Variants in EED observed in about 807,000 individuals in gnomAD.
The protein encoded by EED is polycomb protein EED.
A neutral mutation model predicts 61.0 loss-of-function variants in EED; 9 were observed. That is an observed-to-expected ratio of 0.15 (90% CI 0.09 to 0.26). The LOEUF (loss-of-function observed/expected upper bound fraction) is 0.26, where lower values mean the gene tolerates loss of function less well. Among genes scored for constraint, EED ranks in the 10% least tolerant of loss-of-function variants. The pLI is 1.00. For synonymous variants in EED, 187 were observed against 174.4 expected, an observed-to-expected ratio of 1.07 and a Z score of -0.57; for missense variants, 315 against 542.3, an observed-to-expected ratio of 0.58 and a Z score of 4.16.
chr11:86,256,046 G>A (rs1352464786), intron 4 of EED, among the ~76,000 whole-genome samples: 4 of 152,186 alleles, frequency 2.6e-5, no homozygotes, highest in South Asian at 2.1e-4. Flanking sequence ...AAACTACAGC[G>A]TGCAGGTTGG....
At chr11:86,247,644 G>C (rs1945425133) in intron 1 of EED, among the ~76,000 whole-genome samples, 1 of 152,142 alleles carries the variant, frequency 6.6e-6, no homozygotes, top group African/African-American at 2.4e-5. Flanking sequence ...CCCCATTTGA[G>C]TTCACAAGCC....
the EED span, chr11:86,284,610 G>C: frequency 6.6e-6 from 1 of 152,280 alleles, no homozygotes; most frequent in Non-Finnish European, 1.5e-5. Context: ...ACATATGCCA[G>C]AGCTTGGGTA....
downstream of EED, among the ~76,000 whole-genome samples, chr11:86,279,942 T>C (rs1946304232): frequency 6.6e-6 from 1 of 152,224 alleles, no homozygotes; most frequent in South Asian, 2.1e-4. Flanking sequence ...TACTGTCATA[T>C]CCTTTTAGCA....
chr11:86,264,606 A>G (rs190937736), intron 7 of EED: 49 of 177,740 alleles, frequency 2.8e-4, no homozygotes, highest in Admixed American at 2.6e-3. Context: ...TGTAGCCATT[A>G]AAGTGCTTTT....
At chr11:86,286,343 G>T in the EED span, among the ~76,000 whole-genome samples, 1 of 152,016 alleles carries the variant, frequency 6.6e-6, no homozygotes, top group Non-Finnish European at 1.5e-5. Context: ...GCCTGGCTGA[G>T]ATGACAAATA....
chr11:86,251,036 T>C (rs1329385256), intron 2 of EED, among the ~76,000 whole-genome samples: 1 of 152,174 alleles, frequency 6.6e-6, no homozygotes, highest in African/African-American at 2.4e-5. Context: ...GTTTAAGATA[T>C]TTTCTTTTAT....
At chr11:86,263,354 G>C (rs564662846) in intron 6 of EED, among the ~76,000 whole-genome samples, 3 of 152,210 alleles carry the variant, frequency 2.0e-5, no homozygotes, top group South Asian at 4.1e-4. Context: ...TGCTCCTCCA[G>C]ATTCTTCCAG....
At chr11:86,286,321 G>A in the EED span, among the ~76,000 whole-genome samples, 1 of 152,074 alleles carries the variant, frequency 6.6e-6, no homozygotes, top group African/African-American at 2.4e-5. Flanking sequence ...GATTACAGGC[G>A]TGAGCCACTG....
At chr11:86,283,944 T>C in the EED span, 1 of 152,122 alleles carries the variant, frequency 6.6e-6, no homozygotes, top group Admixed American at 6.5e-5. Flanking sequence ...CATGTGGGCA[T>C]GTATGATAGA....
chr11:86,271,889 T>C (rs558321273), intron 9 of EED, among the ~76,000 whole-genome samples: 1 of 150,940 alleles, frequency 6.6e-6, no homozygotes, highest in South Asian at 2.1e-4. Context: ...TTTGCTAATA[T>C]TTTGTTAAGG....
chr11:86,249,840 C>G (rs1230093573), intron 1 of EED, among the ~76,000 whole-genome samples: 3 of 152,334 alleles, frequency 2.0e-5, no homozygotes, highest in Admixed American at 6.5e-5. Context: ...GGCTCCCCAG[C>G]TCCATGCTCC....
intron 3 of EED, among the ~76,000 whole-genome samples, chr11:86,254,039 ACT>A (rs1212897950): frequency 1.7e-5 from 2 of 118,362 alleles, no homozygotes; most frequent in Admixed American, 9.7e-5. Context: ...CAAGAGTGAA[ACT>A]CTGTCTCAAA....
At chr11:86,250,685 G>A (rs1346233265) in intron 2 of EED, among the ~76,000 whole-genome samples, 1 of 151,760 alleles carries the variant, frequency 6.6e-6, no homozygotes, top group African/African-American at 2.4e-5. Context: ...CAGTGTTGCA[G>A]GATGTTTTTG....
the EED span, among the ~76,000 whole-genome samples, chr11:86,285,992 A>G: frequency 8.5e-5 from 13 of 152,062 alleles, no homozygotes; most frequent in African/African-American, 3.1e-4. Context: ...ACACACAAGT[A>G]TTTTGTTCTT....
At chr11:86,253,367 C>A (rs941987474) in intron 3 of EED, among the ~76,000 whole-genome samples, 1 of 152,128 alleles carries the variant, frequency 6.6e-6, no homozygotes, top group South Asian at 2.1e-4. Flanking sequence ...ACTTTTAAGA[C>A]ACCACTGTAA....
chr11:86,249,039 C>G (rs1483205918), intron 1 of EED, among the ~76,000 whole-genome samples: 1 of 152,058 alleles, frequency 6.6e-6, no homozygotes, highest in African/African-American at 2.4e-5. Flanking sequence ...TAGTGGAGGG[C>G]TATAGTCTGG....
At chr11:86,253,124 A>G in intron 3 of EED, among the ~76,000 whole-genome samples, 1 of 152,202 alleles carries the variant, frequency 6.6e-6, no homozygotes, top group East Asian at 1.9e-4. Context: ...TTGAAACTCT[A>G]AATATTTTTA....
intron 9 of EED, among the ~76,000 whole-genome samples, chr11:86,273,128 ATCC>A (rs1808873970): frequency 6.6e-6 from 1 of 152,178 alleles, no homozygotes; most frequent in Non-Finnish European, 1.5e-5. Flanking sequence ...GCCTCAAGCA[ATCC>A]TCCTGATTCA....
intron 10 of EED, chr11:86,277,468 C>G: frequency 5.2e-6 from 1 of 191,914 alleles, no homozygotes. Context: ...GTCAGTCTAC[C>G]TATGTAACTG....
Sources: gnomAD v4.1 joint callset for allele counts (sites outside exome capture counted in the v4.1 genomes callset) on GRCh38, gnomAD v4.1.1 for gene constraint, MANE v1.5 for transcripts, NCBI Gene and HGNC (gene_info 2026-07-23, HGNC 2026-07-21) for gene names.